The following LZTS2 variants were observed in gnomAD, a reference collection of about 807,000 sequenced individuals.
LZTS2 encodes leucine zipper tumor suppressor 2.
LZTS2 carries 32 observed loss-of-function variants against 60.6 expected under a neutral mutation model. The ratio of observed to expected loss-of-function variants is 0.53; its 90% CI spans 0.40 to 0.71. LZTS2 has a LOEUF of 0.71. Among genes scored for constraint, LZTS2 ranks in the 30% least tolerant of loss-of-function variants. LZTS2 has a pLI of 0.00. For synonymous variants in LZTS2, 360 were observed against 393.1 expected (o/e 0.92, Z 1.00); for missense variants, 792 against 901.9 (o/e 0.88, Z 1.56).
chr10:101,007,176 A>T, exon 4 of LZTS2: 2 of 1,556,818 alleles, frequency 1.3e-6, no homozygotes, highest in Admixed American at 1.9e-5. Context: ...TAGGGCCCTC[A>T]GCAACCAGCT....
upstream of LZTS2, chr10:100,996,599 C>A (rs1338563212): frequency 3.9e-5 from 6 of 152,328 alleles, no homozygotes; most frequent in Middle Eastern, 3.2e-3. Context: ...AACCCGCAGG[C>A]CTGCTCACCT....
At chr10:100,997,929 C>T (rs1851948953), upstream of LZTS2, among the ~76,000 whole-genome samples, 4 of 152,184 alleles carry the variant, frequency 2.6e-5, no homozygotes, top group African/African-American at 9.6e-5. Flanking sequence ...CCTGGACGTC[C>T]TTCTCCCCAG....
exon 1 of LZTS2, chr10:101,002,676 C>A: frequency 1.9e-6 from 3 of 1,609,304 alleles, no homozygotes; most frequent in Non-Finnish European, 2.5e-6. Context: ...CTCCTCCCCG[C>A]CACCACGGCC....
chr10:101,005,873 G>T (rs1168775542), intron 3 of LZTS2, among the ~76,000 whole-genome samples, 158 bp downstream of exon 4: 2 of 152,222 alleles, frequency 1.3e-5, no homozygotes, highest in African/African-American at 4.8e-5. Context: ...TCTGGGAGGG[G>T]GGTCTCCTTG....
At chr10:101,002,631 C>T (rs1006676611) in exon 1 of LZTS2, 2 of 1,602,940 alleles carry the variant, frequency 1.2e-6, no homozygotes, top group East Asian at 2.2e-5. Flanking sequence ...GTGTGAGCAG[C>T]CTTATCTCAG....
intron 1 of LZTS2, chr10:101,003,243 T>C (rs558993653): frequency 3.8e-6 from 2 of 519,792 alleles, no homozygotes; most frequent in African/African-American, 3.8e-5. Context: ...CAGTTATACG[T>C]TTGACTTTGG....
exon 1 of LZTS2, chr10:101,002,572 G>C: frequency 6.5e-7 from 1 of 1,536,772 alleles, no homozygotes; most frequent in Middle Eastern, 1.8e-4. Flanking sequence ...AGTGCCACTG[G>C]AGCCTGCTCC....
At chr10:100,998,755 G>C (rs1851965181), upstream of LZTS2, 1 of 152,430 alleles carries the variant, frequency 6.6e-6, no homozygotes, top group South Asian at 2.1e-4. Context: ...GTCAATGCGT[G>C]AAAGATGGTT....
In LZTS2 at chr10:101,002,962, TC is replaced by T. The variant is rs1852078294; in HGVS notation, c.408+18del. Reference sequence around the variant, plus strand: ...GCTGGAGAAGGTGAGGACCGGCTCTTCCTTGTGGGCCTGGGTAGAACGGGAG... The same window carrying T: ...GCTGGAGAAGGTGAGGACCGGCTCTTCTTGTGGGCCTGGGTAGAACGGGAG... On this transcript the variant is annotated intron_variant, in intron 1 of 3. Coordinates refer to ENST00000370220, the Ensembl canonical transcript of LZTS2. 6.3e-7 allele frequency: 1 copy of T among 1,599,154 alleles called. No homozygotes were observed. Among genetic ancestry groups the T allele is most frequent in the African/African-American group, 1.3e-5 (1 of 74,788 alleles).
chr10:101,006,033 A>G (rs555835667), intron 3 of LZTS2, among the ~76,000 whole-genome samples: 2 of 152,340 alleles, frequency 1.3e-5, no homozygotes, highest in East Asian at 3.9e-4. Context: ...TAGTCTCCCC[A>G]TTTTAGAGAT....
chr10:101,006,763 C>T lies in LZTS2; in HGVS notation c.1605C>T (p.Ala535=), dbSNP rs770890299. The T allele has an allele frequency of 2.0e-5, 32 of 1,570,530 alleles. No individual in the cohort carries two copies. In the Admixed American group the frequency reaches 3.4e-4, roughly 17 times the overall value. The change falls in exon 4 of 4, where the codon GCC becomes GCT. Residue 535 remains alanine, a synonymous_variant. Coordinates refer to ENST00000370220, the Ensembl canonical transcript of LZTS2. Reference sequence around the variant, plus strand: ...CTGGGCAGTTGGATGCTGAGGCGGCCGGACTCCGGGAGCCCCCTGTGCCAC... The same window carrying T: ...CTGGGCAGTTGGATGCTGAGGCGGCTGGACTCCGGGAGCCCCCTGTGCCAC...
intron 1 of LZTS2, 50 bp from the exon 3 acceptor site, chr10:101,003,457 C>T: frequency 6.6e-7 from 1 of 1,505,896 alleles, no homozygotes; most frequent in Non-Finnish European, 8.9e-7. Context: ...CATAAGGGCT[C>T]TGCAAGATTG....
exon 2 of LZTS2, chr10:101,004,128 C>A: frequency 6.2e-7 from 1 of 1,611,920 alleles, no homozygotes; most frequent in Non-Finnish European, 8.5e-7. Context: ...TCAGCAGCTG[C>A]GGGACAGTCT....
At chr10:101,004,012 G>T in exon 2 of LZTS2, 1 of 1,613,212 alleles carries the variant, frequency 6.2e-7, no homozygotes, top group Non-Finnish European at 8.5e-7. Context: ...CCTGACAGCA[G>T]CTCCTGTGGG....
At chr10:101,002,788 C>T (rs749097107) in exon 1 of LZTS2, 4 of 1,613,648 alleles carry the variant, frequency 2.5e-6, no homozygotes, top group Admixed American at 3.3e-5. Flanking sequence ...GAAGGCTGTC[C>T]CTGTCACCAG....
chr10:101,004,032 C>G, exon 2 of LZTS2: 1 of 1,613,226 alleles, frequency 6.2e-7, no homozygotes, highest in Non-Finnish European at 8.5e-7. Flanking sequence ...GGAGCGCTCA[C>G]CACCACCCCC....
chr10:101,003,470 C>A (rs1852090629), intron 1 of LZTS2, 37 bp from the exon 3 acceptor site: 1 of 1,509,036 alleles, frequency 6.6e-7, no homozygotes, highest in Non-Finnish European at 8.9e-7. Flanking sequence ...CAAGATTGGG[C>A]AGCTCATCTC....
exon 4 of LZTS2, chr10:101,006,831 C>T (rs1210314595): frequency 1.3e-6 from 2 of 1,543,372 alleles, no homozygotes; most frequent in Admixed American, 3.8e-5. Flanking sequence ...AGTGATGAGG[C>T]CAAAGTGCAG....
exon 4 of LZTS2, chr10:101,006,613 G>A (rs774967090): frequency 1.6e-5 from 25 of 1,602,568 alleles, no homozygotes; most frequent in Non-Finnish European, 2.0e-5. Flanking sequence ...GTGCTACGCT[G>A]CGGGTCAGTG....
Sources: gnomAD v4.1 joint callset for allele counts (sites outside exome capture counted in the v4.1 genomes callset) on GRCh38, gnomAD v4.1.1 for gene constraint, MANE v1.5 for transcripts, NCBI Gene and HGNC (gene_info 2026-07-23, HGNC 2026-07-21) for gene names.